Variants in METTL15 observed in about 807,000 individuals in gnomAD.
The protein encoded by METTL15 is methyltransferase 15, mitochondrial 12S rRNA N4-cytidine.
A neutral mutation model predicts 38.3 loss-of-function variants in METTL15; 34 were observed. The ratio of observed to expected loss-of-function variants is 0.89; its 90% confidence interval spans 0.68 to 1.18. The LOEUF (loss-of-function observed/expected upper bound fraction) is 1.18. Among genes scored for constraint, METTL15 ranks in the 50% most tolerant of loss-of-function variants. The probability of loss-of-function intolerance (pLI) is 0.00; values close to 1 mark genes in which losing one functional copy is unlikely to be tolerated. For synonymous variants in METTL15, 162 were observed against 170.9 expected (o/e 0.95, Z 0.41); for missense variants, 438 against 498.4 (o/e 0.88, Z 1.15).
intron 6 of METTL15, among the ~76,000 whole-genome samples, chr11:28,329,698 C>T (rs964790843): frequency 2.6e-5 from 4 of 152,110 alleles, no homozygotes; most frequent in African/African-American, 9.7e-5. Context: ...TCCAAATGAT[C>T]ACATGGCCTC....
At chr11:28,502,107 A>G (rs1306867844) in intron 6 of METTL15, among the ~76,000 whole-genome samples, 3 of 151,590 alleles carry the variant, frequency 2.0e-5, no homozygotes. Flanking sequence ...TCTCAAAAAA[A>G]AAAAAAAGAA....
At chr11:28,324,812 A>G (rs1375024098) in intron 6 of METTL15, among the ~76,000 whole-genome samples, 1 of 152,162 alleles carries the variant, frequency 6.6e-6, no homozygotes, top group African/African-American at 2.4e-5. Context: ...CGAGGTCTGA[A>G]GGGAGTGGGT....
chr11:28,322,474 C>G (rs1454575325), intron 6 of METTL15, among the ~76,000 whole-genome samples: 1 of 152,060 alleles, frequency 6.6e-6, no homozygotes, highest in Non-Finnish European at 1.5e-5. Flanking sequence ...TAAGATTTAC[C>G]TACTATCAGA....
chr11:28,358,860 T>C (rs1346280705), intron 4 of METTL15, among the ~76,000 whole-genome samples: 1 of 152,224 alleles, frequency 6.6e-6, no homozygotes, highest in Non-Finnish European at 1.5e-5. Context: ...GTATTTGTTG[T>C]ATTTGTTAGG....
chr11:28,320,145 C>T (rs1849412920), intron 6 of METTL15, among the ~76,000 whole-genome samples: 2 of 150,394 alleles, frequency 1.3e-5, no homozygotes, highest in South Asian at 4.2e-4. Context: ...TTTCTGGTAA[C>T]CTCAGATGCA....
intron 6 of METTL15, 107 bp from the exon 7 acceptor site, chr11:28,330,289 A>C: frequency 4.0e-6 from 4 of 1,010,262 alleles, no homozygotes; most frequent in Non-Finnish European, 5.6e-6. Context: ...TTTCTAAGAA[A>C]ACTTAGTTCA....
chr11:28,351,857 C>G (rs1850044337), intron 3 of METTL15, among the ~76,000 whole-genome samples: 1 of 152,212 alleles, frequency 6.6e-6, no homozygotes, highest in Non-Finnish European at 1.5e-5. Context: ...TTGCAAGAGA[C>G]TGTTTACGTT....
chr11:28,413,563 G>T (rs988188389), intron 5 of METTL15, among the ~76,000 whole-genome samples: 1 of 152,098 alleles, frequency 6.6e-6, no homozygotes, highest in African/African-American at 2.4e-5. Flanking sequence ...AATGACTTAT[G>T]AATTGCTGAG....
chr11:28,434,112 A>G (rs935776316), intron 6 of METTL15, among the ~76,000 whole-genome samples: 6 of 152,134 alleles, frequency 3.9e-5, no homozygotes, highest in Non-Finnish European at 8.8e-5. Context: ...GAGATAATTG[A>G]ATCATGGAAG....
At chr11:28,512,260 T>A (rs1851680908) in intron 6 of METTL15, among the ~76,000 whole-genome samples, 1 of 152,216 alleles carries the variant, frequency 6.6e-6, no homozygotes, top group Non-Finnish European at 1.5e-5. Flanking sequence ...CAGGAGCCCA[T>A]CTGGCTTCAC....
intron 5 of METTL15, among the ~76,000 whole-genome samples, chr11:28,393,506 T>C (rs2133396074): frequency 6.6e-6 from 1 of 152,250 alleles, no homozygotes; most frequent in South Asian, 2.1e-4. Context: ...TGGAGCTATT[T>C]GAAGACAGCT....
intron 6 of METTL15, among the ~76,000 whole-genome samples, chr11:28,452,338 A>G (rs1221220883): frequency 1.3e-5 from 2 of 152,178 alleles, no homozygotes; most frequent in African/African-American, 2.4e-5. Flanking sequence ...CTTCCAGCTG[A>G]TGTTATAAAT....
chr11:28,391,563 T>C (rs1040885141), intron 5 of METTL15, among the ~76,000 whole-genome samples: 4 of 152,088 alleles, frequency 2.6e-5, no homozygotes, highest in Non-Finnish European at 5.9e-5. Context: ...GACTTCAAAT[T>C]GTACTACAAG....
chr11:28,380,351 A>T (rs956555479), intron 5 of METTL15, among the ~76,000 whole-genome samples: 4 of 151,770 alleles, frequency 2.6e-5, no homozygotes, highest in Admixed American at 2.0e-4. Flanking sequence ...CGTATTTTTA[A>T]TAGAGATGAG....
intron 3 of METTL15, among the ~76,000 whole-genome samples, chr11:28,351,731 T>G (rs1411656852): frequency 6.6e-6 from 1 of 152,172 alleles, no homozygotes; most frequent in African/African-American, 2.4e-5. Context: ...TCACCAGTCA[T>G]ATGTAATGAT....
At chr11:28,421,049 A>T (rs1850815903) in intron 5 of METTL15, among the ~76,000 whole-genome samples, 1 of 152,040 alleles carries the variant, frequency 6.6e-6, no homozygotes, top group African/African-American at 2.4e-5. Context: ...CAAAAACTCA[A>T]ATTAATAGTC....
chr11:28,208,462 G>A (rs1157876228), intron 3 of METTL15, among the ~76,000 whole-genome samples: 1 of 152,256 alleles, frequency 6.6e-6, no homozygotes, highest in Non-Finnish European at 1.5e-5. Flanking sequence ...TGATTGCACT[G>A]TGGTCCGAGA....
At chr11:28,477,562 G>C (rs776583494) in intron 6 of METTL15, 2 of 152,084 alleles carry the variant, frequency 1.3e-5, no homozygotes, top group Admixed American at 1.3e-4. Context: ...ATGGAACTCT[G>C]TCTCACAACT....
chr11:28,330,130 A>T (rs768878708), intron 6 of METTL15, among the ~76,000 whole-genome samples: 35 of 152,126 alleles, frequency 2.3e-4, no homozygotes, highest in Non-Finnish European at 4.1e-4. Flanking sequence ...ATTTCTTTAA[A>T]TATATGTCCA....
Sources: gnomAD v4.1 joint callset for allele counts (sites outside exome capture counted in the v4.1 genomes callset) on GRCh38, gnomAD v4.1.1 for gene constraint, MANE v1.5 for transcripts, NCBI Gene and HGNC (gene_info 2026-07-23, HGNC 2026-07-21) for gene names.